TVP23B: variants seen among roughly 807,000 people sequenced by gnomAD.
TVP23B encodes trans-golgi network vesicle protein 23 homolog B, also known as Golgi apparatus membrane protein TVP23 homolog B.
TVP23B carries 10 observed loss-of-function variants against 30.6 expected under a neutral mutation model. That is an observed-to-expected ratio of 0.33 (90% CI 0.20 to 0.55). The LOEUF is 0.55. Among genes scored for constraint, TVP23B ranks in the 20% least tolerant of loss-of-function variants. The probability of loss-of-function intolerance (pLI) is 0.91; values close to 1 mark genes in which losing one functional copy is unlikely to be tolerated. For missense variants in TVP23B, 153 were observed against 243.2 expected (o/e 0.63, Z 2.47); for synonymous variants, 67 against 83.1 (o/e 0.81, Z 1.06).
At position 18,806,239 on chromosome 17, in the gene TVP23B, G is replaced by C. The variant is rs1271822074; in HGVS notation, c.*672G>C. 8 of 955,504 alleles carry C rather than the reference G, an allele frequency of 8.4e-6. No homozygotes were observed. The highest frequency in any genetic ancestry group is 8.7e-6 in the Non-Finnish European group (7 of 802,824). 59.2% of individuals were successfully genotyped at this position (955,504 alleles called of 1,614,324 possible). ...GTTTAAGGAATACCCAGAGATTGCT[G>C]CTGTTCTATTTATTTTACAGAAAGG... On this transcript the variant is annotated 3_prime_UTR_variant, in exon 7 of 7. Transcript: ENST00000307767.
chr17:18,797,868 A>G (rs183868040), intron 4 of TVP23B, among the ~76,000 whole-genome samples, 200 bp downstream of exon 4: 1 of 152,332 alleles, frequency 6.6e-6, no homozygotes, highest in East Asian at 1.9e-4. Flanking sequence ...TATACAGAAC[A>G]GAATCCTTTG....
intron 1 of TVP23B, among the ~76,000 whole-genome samples, chr17:18,785,407 T>C (rs928759928): frequency 1.6e-5 from 2 of 125,680 alleles, no homozygotes; most frequent in Admixed American, 8.3e-5. Flanking sequence ...TTTTTTTAAA[T>C]CTGTACCACT....
intron 3 of TVP23B, among the ~76,000 whole-genome samples, chr17:18,794,490 C>T (rs1208723233): frequency 1.3e-5 from 2 of 152,228 alleles, no homozygotes; most frequent in Middle Eastern, 3.4e-3. Context: ...TGATCATTTA[C>T]AGTTAAACTT....
intron 5 of TVP23B, among the ~76,000 whole-genome samples, chr17:18,801,233 G>A (rs2589685): frequency 1.3e-5 from 2 of 149,188 alleles, no homozygotes; most frequent in Non-Finnish European, 3.0e-5. Flanking sequence ...GAAATAGTCC[G>A]AGGAATGCTT....
chr17:18,801,263 T>C (rs529743519), intron 5 of TVP23B, among the ~76,000 whole-genome samples: 42 of 152,308 alleles, frequency 2.8e-4, no homozygotes, highest in African/African-American at 1.0e-3. Context: ...TGGGGTTTTT[T>C]TCTTTTCGAG....
intron 1 of TVP23B, among the ~76,000 whole-genome samples, chr17:18,786,795 A>T (rs2035912903): frequency 6.6e-6 from 1 of 151,370 alleles, no homozygotes; most frequent in South Asian, 2.1e-4. Context: ...TGCATGAGCT[A>T]CTTGACCATT....
At chr17:18,781,590 A>G in intron 1 of TVP23B, 1 of 446,236 alleles carries the variant, frequency 2.2e-6, no homozygotes, top group African/African-American at 2.0e-5. Context: ...CTCAACCCTT[A>G]TTGCCGGGGT....
chr17:18,803,239 C>G (rs1229827132), intron 5 of TVP23B, among the ~76,000 whole-genome samples: 1 of 151,948 alleles, frequency 6.6e-6, no homozygotes, highest in African/African-American at 2.4e-5. Flanking sequence ...AAATCCAGCC[C>G]GACACCTGTT....
intron 1 of TVP23B, among the ~76,000 whole-genome samples, chr17:18,782,797 A>G (rs2035828409): frequency 6.6e-6 from 1 of 150,382 alleles, no homozygotes; most frequent in Admixed American, 6.6e-5. Context: ...ACCAGTGGTC[A>G]CTCTCGTGGC....
chr17:18,788,432 CTTT>C (rs563412170), intron 1 of TVP23B, among the ~76,000 whole-genome samples: 6 of 145,986 alleles, frequency 4.1e-5, no homozygotes, highest in African/African-American at 1.2e-4. Context: ...TTAAAAAAAT[CTTT>C]TTTTGCCTAA....
intron 6 of TVP23B, 65 bp from the exon 7 acceptor site, chr17:18,805,476 A>G (rs2036235313): frequency 6.3e-7 from 1 of 1,596,450 alleles, no homozygotes; most frequent in African/African-American, 1.4e-5. Flanking sequence ...CTAGTCCCCA[A>G]GTCCATGGTG....
chr17:18,787,784 C>G (rs2151844214), intron 1 of TVP23B, among the ~76,000 whole-genome samples: 1 of 152,114 alleles, frequency 6.6e-6, no homozygotes, highest in African/African-American at 2.4e-5. Context: ...GCATTAGATT[C>G]TGTGATCTTC....
rs561520524 is a variant in TVP23B, at chr17:18,804,405, C to G, written c.591+139C>G. 1.2e-5 allele frequency: 17 copies of G among 1,361,188 alleles called. No individual in the cohort carries two copies. The South Asian group carries it at 2.4e-4, about 19-fold the overall frequency. 84.3% of individuals were successfully genotyped at this position (1,361,188 alleles called of 1,614,324 possible). A position where few individuals can be genotyped will look rare whatever the true frequency, so the allele number is the denominator to read the frequency against. The stretch of plus-strand genomic sequence containing the variant: ...TATAATGATAAAGATGTTGTAATTG[C>G]TCTTTGGGGGTGTTCAAGACAGTCT... On this transcript the variant is annotated intron_variant, in intron 6 of 6. Transcript: ENST00000307767.
At chr17:18,791,199 T>TG (rs1199002644) in intron 3 of TVP23B, among the ~76,000 whole-genome samples, 159 bp downstream of exon 3, 17 of 146,230 alleles carry the variant, frequency 1.2e-4, no homozygotes, top group Middle Eastern at 3.4e-3. Flanking sequence ...TTTTTTTTTT[T>TG]TTTTTTTTTT....
intron 3 of TVP23B, among the ~76,000 whole-genome samples, chr17:18,793,183 G>A (rs2036023156): frequency 6.6e-6 from 1 of 152,094 alleles, no homozygotes; most frequent in South Asian, 2.1e-4. Flanking sequence ...TGTTAATGAA[G>A]ATAAAGAAGA....
chr17:18,799,883 G>T (rs2036132358), intron 5 of TVP23B, among the ~76,000 whole-genome samples: 2 of 151,456 alleles, frequency 1.3e-5, no homozygotes, highest in South Asian at 4.2e-4. Context: ...TTTTTTCTTT[G>T]TGTGTGCTCA....
At chr17:18,800,272 CTT>C (rs1014740182) in intron 5 of TVP23B, among the ~76,000 whole-genome samples, 6 of 151,950 alleles carry the variant, frequency 3.9e-5, no homozygotes, top group African/African-American at 9.7e-5. Flanking sequence ...TCCTTTCTCT[CTT>C]GTTTGTTCCA....
chr17:18,782,759 C>T (rs936813477), intron 1 of TVP23B, among the ~76,000 whole-genome samples: 2 of 151,704 alleles, frequency 1.3e-5, no homozygotes, highest in Admixed American at 6.6e-5. Flanking sequence ...ACTGGCATGG[C>T]GCTGATGGGA....
chr17:18,797,534 A>T (rs1431869948), intron 3 of TVP23B, 45 bp from the exon 4 acceptor site: 1 of 1,612,996 alleles, frequency 6.2e-7, no homozygotes, highest in African/African-American at 1.3e-5. Flanking sequence ...ATAGATCTTT[A>T]AATAATGCTT....
Sources: gnomAD v4.1 joint callset for allele counts (sites outside exome capture counted in the v4.1 genomes callset) on GRCh38, gnomAD v4.1.1 for gene constraint, MANE v1.5 for transcripts, NCBI Gene and HGNC (gene_info 2026-07-23, HGNC 2026-07-21) for gene names.